The following TMC1 variants were observed in gnomAD, a reference collection of about 807,000 sequenced individuals.
The protein encoded by TMC1 is transmembrane channel like 1, also known as transmembrane channel-like protein 1.
In TMC1, 84 loss-of-function variants were observed where a neutral mutation model predicts 105.8. The ratio of observed to expected loss-of-function variants is 0.79; its 90% CI spans 0.67 to 0.95. The LOEUF (loss-of-function observed/expected upper bound fraction) is 0.95, where lower values mean the gene tolerates loss of function less well. Ranked by LOEUF, TMC1 falls within the 40% of genes least tolerant of loss-of-function variation. The pLI, the probability that TMC1 is intolerant of heterozygous loss-of-function variation, is 0.00. For missense variants in TMC1, 817 were observed against 914.1 expected (o/e 0.89, Z 1.37); for synonymous variants, 315 against 311.5 (o/e 1.01, Z -0.12).
intron 1 of TMC1, among the ~76,000 whole-genome samples, chr9:72,526,381 T>C (rs1823408775): frequency 6.6e-6 from 1 of 152,228 alleles, no homozygotes; most frequent in Admixed American, 6.5e-5. Context: ...TAAAAAACCC[T>C]CAATGGATAC....
intron 13 of TMC1, among the ~76,000 whole-genome samples, chr9:72,776,019 C>T (rs936052835): frequency 9.2e-5 from 14 of 152,180 alleles, no homozygotes; most frequent in African/African-American, 3.4e-4. Context: ...TAGGCTCTAC[C>T]TCCAACATTG....
intron 5 of TMC1, among the ~76,000 whole-genome samples, chr9:72,671,497 A>C (rs1376596027): frequency 6.6e-6 from 1 of 152,228 alleles, no homozygotes; most frequent in African/African-American, 2.4e-5. Flanking sequence ...ATAGTAACAC[A>C]AAGAGTTGTA....
chr9:72,640,848 A>C (rs1262983201), intron 4 of TMC1, among the ~76,000 whole-genome samples: 3 of 151,842 alleles, frequency 2.0e-5, no homozygotes, highest in African/African-American at 7.3e-5. Context: ...AGCCAGGATG[A>C]TCTCAATCTC....
chr9:72,817,937 C>A (rs1299129890), intron 19 of TMC1, among the ~76,000 whole-genome samples: 1 of 152,158 alleles, frequency 6.6e-6, no homozygotes, highest in Non-Finnish European at 1.5e-5. Context: ...AAGATATTCA[C>A]ACACTTTCCA....
At chr9:72,549,011 A>G (rs778286508) in intron 1 of TMC1, among the ~76,000 whole-genome samples, 1 of 152,226 alleles carries the variant, frequency 6.6e-6, no homozygotes, top group Non-Finnish European at 1.5e-5. Context: ...CATAGTGGAC[A>G]TGAAATAAAT....
intron 4 of TMC1, among the ~76,000 whole-genome samples, chr9:72,639,167 T>C (rs1490816258): frequency 1.3e-5 from 2 of 152,144 alleles, no homozygotes; most frequent in East Asian, 3.8e-4. Context: ...GCTGGTGATA[T>C]TTTACACTTG....
At chr9:72,601,381 T>C (rs1824813448) in intron 2 of TMC1, among the ~76,000 whole-genome samples, 1 of 151,854 alleles carries the variant, frequency 6.6e-6, no homozygotes. Context: ...CGGTGGCTCA[T>C]GCCTATAGTC....
chr9:72,527,341 GA>G (rs200660749), intron 1 of TMC1, among the ~76,000 whole-genome samples: 4 of 150,528 alleles, frequency 2.7e-5, no homozygotes, highest in African/African-American at 7.3e-5. Flanking sequence ...TGTCTGACCT[GA>G]AAAAAAAATG....
At chr9:72,732,193 TATA>T (rs1415384757) in intron 8 of TMC1, among the ~76,000 whole-genome samples, 3 of 152,220 alleles carry the variant, frequency 2.0e-5, no homozygotes, top group African/African-American at 7.2e-5. Flanking sequence ...TTTACATAAT[TATA>T]ATGAGAGTAT....
At chr9:72,652,898 T>C (rs1825834837) in intron 5 of TMC1, among the ~76,000 whole-genome samples, 1 of 152,210 alleles carries the variant, frequency 6.6e-6, no homozygotes, top group African/African-American at 2.4e-5. Context: ...ATCATCACCA[T>C]GTTGCTATAC....
intron 1 of TMC1, among the ~76,000 whole-genome samples, chr9:72,560,594 G>A (rs936614920): frequency 6.6e-6 from 1 of 152,052 alleles, no homozygotes; most frequent in Non-Finnish European, 1.5e-5. Flanking sequence ...TGCCTCCCGG[G>A]TTCAAGTAAT....
At chr9:72,609,122 A>C in intron 2 of TMC1, among the ~76,000 whole-genome samples, 10 of 135,390 alleles carry the variant, frequency 7.4e-5, no homozygotes, top group African/African-American at 1.7e-4. Context: ...CTCTCTTCCT[A>C]CCTCCCTTTC....
intron 18 of TMC1, among the ~76,000 whole-genome samples, chr9:72,808,496 A>G (rs1291214895): frequency 6.6e-6 from 1 of 152,130 alleles, no homozygotes; most frequent in Non-Finnish European, 1.5e-5. Context: ...ATTTGACATT[A>G]CTCTTGTAAA....
At chr9:72,584,802 T>TTTTTTTTTTA (rs1468413222) in intron 2 of TMC1, among the ~76,000 whole-genome samples, 1 of 148,526 alleles carries the variant, frequency 6.7e-6, no homozygotes, top group Non-Finnish European at 1.5e-5. Flanking sequence ...TTTTTTTTTT[T>TTTTTTTTTTA]GAGACAGGGT....
chr9:72,712,193 C>G (rs745829348), intron 8 of TMC1, among the ~76,000 whole-genome samples: 1 of 152,080 alleles, frequency 6.6e-6, no homozygotes, highest in Non-Finnish European at 1.5e-5. Context: ...AAGTTTGAAT[C>G]AGGTAGTGTG....
At chr9:72,653,170 C>A (rs1825838430) in intron 5 of TMC1, among the ~76,000 whole-genome samples, 1 of 152,096 alleles carries the variant, frequency 6.6e-6, no homozygotes, top group South Asian at 2.1e-4. Flanking sequence ...TTTAAGTGCT[C>A]TGGGAAGAAG....
chr9:72,689,436 G>A (rs1826428516), intron 6 of TMC1, among the ~76,000 whole-genome samples: 2 of 152,098 alleles, frequency 1.3e-5, no homozygotes, highest in Admixed American at 1.3e-4. Context: ...AGAATGTTCT[G>A]TATATGTCTG....
At chr9:72,830,259 A>G (rs1379456140) in intron 21 of TMC1, among the ~76,000 whole-genome samples, 192 bp from the exon 22 acceptor site, 1 of 152,134 alleles carries the variant, frequency 6.6e-6, no homozygotes, top group African/African-American at 2.4e-5. Context: ...CTTCATCCCT[A>G]TGTCATCCTG....
intron 6 of TMC1, among the ~76,000 whole-genome samples, chr9:72,689,960 AT>A (rs1826437709): frequency 6.6e-6 from 1 of 152,058 alleles, no homozygotes; most frequent in South Asian, 2.1e-4. Flanking sequence ...TAAAGTTATT[AT>A]TGATAGAGCA....
Sources: gnomAD v4.1 joint callset for allele counts (sites outside exome capture counted in the v4.1 genomes callset) on GRCh38, gnomAD v4.1.1 for gene constraint, MANE v1.5 for transcripts, NCBI Gene and HGNC (gene_info 2026-07-23, HGNC 2026-07-21) for gene names.